The following LRP5 variants were observed in gnomAD, a reference collection of about 807,000 sequenced individuals.
LRP5 encodes low-density lipoprotein receptor-related protein 5.
In LRP5, 62 loss-of-function variants were observed where a neutral mutation model predicts 154.1. That is an observed-to-expected ratio of 0.40 (90% CI 0.33 to 0.50). The LOEUF (loss-of-function observed/expected upper bound fraction) is 0.50. Ranked by LOEUF, LRP5 falls within the 20% of genes least tolerant of loss-of-function variation. LRP5 has a pLI of 0.55. For synonymous variants in LRP5, 966 were observed against 1,011.5 expected (o/e 0.96, Z 0.85); for missense variants, 1,915 against 2,336.7 (o/e 0.82, Z 3.72).
intron 17 of LRP5, among the ~76,000 whole-genome samples, chr11:68,432,348 G>A (rs954498018): frequency 3.9e-5 from 6 of 152,186 alleles, no homozygotes; most frequent in African/African-American, 1.2e-4. Context: ...GGCCAGGCAC[G>A]GCTTGCAGAC....
intron 18 of LRP5, among the ~76,000 whole-genome samples, chr11:68,435,627 C>T (rs149004250): frequency 5.5e-4 from 84 of 152,314 alleles, no homozygotes; most frequent in Non-Finnish European, 1.1e-3. Flanking sequence ...GCTCCCATGA[C>T]CCAAACACTG....
At chr11:68,342,133 C>G (rs2098609531) in intron 1 of LRP5, among the ~76,000 whole-genome samples, 1 of 151,716 alleles carries the variant, frequency 6.6e-6, no homozygotes, top group Non-Finnish European at 1.5e-5. Flanking sequence ...GCTGTGTTGC[C>G]CAGGCTGGTC....
At position 68,425,092 on chromosome 11, in the gene LRP5, C is replaced by A. The variant is rs2098667923; in HGVS notation, c.3237-10C>A. ...CCCACACCCGTCCTTCACCCGCCAC[C>A]CTCCCGCAGGTACCTGTACTTCACC... On this transcript the variant is annotated splice_polypyrimidine_tract_variant and intron_variant, in intron 14 of 22. Transcript: ENST00000294304. 6.2e-7 allele frequency: 1 copy of A among 1,613,210 alleles called. No individual in the cohort carries two copies. The highest frequency in any genetic ancestry group is 8.5e-7 in the Non-Finnish European group (1 of 1,179,798).
chr11:68,351,587 A>C (rs91285), intron 2 of LRP5, among the ~76,000 whole-genome samples: 71,048 of 151,912 alleles, frequency 0.47, 18,659 homozygotes, highest in African/African-American at 0.69. Context: ...TCCTCCTGTC[A>C]TTGCGTTCCC....
intron 1 of LRP5, among the ~76,000 whole-genome samples, chr11:68,335,157 G>A (rs1239535969): frequency 1.3e-5 from 2 of 150,018 alleles, no homozygotes; most frequent in Non-Finnish European, 3.0e-5. Flanking sequence ...GGTCACTGCA[G>A]CCTTGACCTC....
chr11:68,448,827 A>G lies in LRP5; in HGVS notation c.4605A>G (p.Gly1535=), dbSNP rs2098682838. 1 of 1,607,770 alleles carries G rather than the reference A, an allele frequency of 6.2e-7. No individual in the cohort carries two copies. Among genetic ancestry groups the G allele is most frequent in the Non-Finnish European group, 8.5e-7 (1 of 1,179,942 alleles). Residue 1535 remains glycine (G), a synonymous_variant, in exon 23 of 23, where the codon GGA becomes GGG. Transcript: ENST00000294304. ...CTTTCAGGCCCTACATCATTCGAGG[A>G]ATGGCGCCCCCGACGACGCCCTGCA... ...ARPYRPYIIR[G]MAPPTTPCST...
chr11:68,309,964 A>G (rs1044528107), upstream of LRP5, among the ~76,000 whole-genome samples: 5 of 152,216 alleles, frequency 3.3e-5, no homozygotes, highest in African/African-American at 1.2e-4. Context: ...CATCCAACAC[A>G]CATTTACTGA....
rs777696950 is a variant in LRP5, at chr11:68,406,483, G to A, written c.1802-41G>A. On this transcript the variant is annotated intron_variant, in intron 8 of 22. Transcript: ENST00000294304. ...TTGGCCGCACCCCTTTCCCTGCTGG[G>A]CTGTTGATGTTTAGACTGGAGCCTC... 3 of 1,607,166 alleles carry A rather than the reference G, an allele frequency of 1.9e-6. No individual in the cohort carries two copies. In the Admixed American group the frequency reaches 5.0e-5, roughly 27 times the overall value.
chr11:68,405,191 G>C (rs1026889561), intron 8 of LRP5, among the ~76,000 whole-genome samples: 12 of 151,950 alleles, frequency 7.9e-5, no homozygotes, highest in Non-Finnish European at 1.3e-4. Context: ...TTTATGCCAG[G>C]TGTGGTGGCT....
chr11:68,369,086 C>T (rs2098632682), intron 5 of LRP5, among the ~76,000 whole-genome samples: 1 of 152,212 alleles, frequency 6.6e-6, no homozygotes, highest in African/African-American at 2.4e-5. Context: ...GATCCACCTA[C>T]CTCAGCCTCC....
intron 2 of LRP5, 83 bp downstream of exon 2, chr11:68,348,326 G>A: frequency 6.4e-7 from 1 of 1,568,548 alleles, no homozygotes. Flanking sequence ...AGCCCAAGTT[G>A]TTTTTCAGAA....
chr11:68,368,825 C>T (rs1321775071), intron 5 of LRP5, among the ~76,000 whole-genome samples: 1 of 150,942 alleles, frequency 6.6e-6, no homozygotes, highest in Non-Finnish European at 1.5e-5. Context: ...GTATCAAAGA[C>T]ATGAGTTTTA....
the LRP5 span, among the ~76,000 whole-genome samples, chr11:68,299,178 G>C: frequency 6.6e-6 from 1 of 152,186 alleles, no homozygotes; most frequent in African/African-American, 2.4e-5. Flanking sequence ...CTTGTGGATG[G>C]GCACAGTGGG....
chr11:68,394,792 A>G (rs2098648335), intron 7 of LRP5, among the ~76,000 whole-genome samples: 1 of 152,174 alleles, frequency 6.6e-6, no homozygotes, highest in African/African-American at 2.4e-5. Context: ...ATCTGTCTGT[A>G]CATCCTCAAA....
In LRP5 at chr11:68,353,243, C is replaced by T. The variant is rs2098620284; in HGVS notation, c.489-4407C>T. Among the ~76,000 whole-genome samples, 1 of 152,194 alleles carries T rather than the reference C, an allele frequency of 6.6e-6. No individual in the cohort carries two copies. Among genetic ancestry groups the T allele is most frequent in the Non-Finnish European group, 1.5e-5 (1 of 68,024 alleles). Reference sequence around the variant, plus strand: ...GTGGCTGTTCACTCCCACCCCTGCCCCTGGGGCAAAGTTGACCTTAGTGTT... The same window carrying T: ...GTGGCTGTTCACTCCCACCCCTGCCTCTGGGGCAAAGTTGACCTTAGTGTT... On this transcript the variant is annotated intron_variant, in intron 2 of 22. Transcript: ENST00000294304. The surrounding 1 kb of genome is among the most constrained non-coding windows in gnomAD (Gnocchi z 4.5).
chr11:68,424,882 A>T (rs151305010), intron 14 of LRP5, among the ~76,000 whole-genome samples: 129 of 152,310 alleles, frequency 8.5e-4, no homozygotes, highest in African/African-American at 3.0e-3. Context: ...CCTTCATGAC[A>T]TTTGTAAAGA....
chr11:68,313,472 G>A (rs1390206679), intron 1 of LRP5, among the ~76,000 whole-genome samples: 1 of 152,178 alleles, frequency 6.6e-6, no homozygotes. Context: ...CGGGGCAGTG[G>A]GGGAGGCAGG....
the LRP5 span, among the ~76,000 whole-genome samples, chr11:68,299,876 C>T: frequency 6.7e-6 from 1 of 148,804 alleles, no homozygotes; most frequent in Non-Finnish European, 1.5e-5. Context: ...AGCCATCGCG[C>T]TCCGCCTTTT....
chr11:68,403,727 C>T (rs1288983220), intron 8 of LRP5, 28 bp downstream of exon 8: 4 of 1,611,664 alleles, frequency 2.5e-6, no homozygotes, highest in Non-Finnish European at 3.4e-6. Flanking sequence ...CAAGCCATGG[C>T]TCAGCCATGC....
Sources: gnomAD v4.1 joint callset for allele counts (sites outside exome capture counted in the v4.1 genomes callset) on GRCh38, gnomAD v4.1.1 for gene constraint, Gnocchi (gnomAD v3.1) non-coding constraint, MANE v1.5 for transcripts, NCBI Gene and HGNC (gene_info 2026-07-23, HGNC 2026-07-21) for gene names.